The following UNC13B variants were observed in gnomAD, a reference collection of about 807,000 sequenced individuals.
The protein encoded by UNC13B is protein unc-13 homolog B.
Under a neutral mutation model 211.0 loss-of-function variants are expected in UNC13B, and 144 were observed. The observed-to-expected ratio is 0.68, with a 90% CI of 0.60 to 0.78. The LOEUF is 0.78. Among genes scored for constraint, UNC13B ranks in the 30% least tolerant of loss-of-function variants. The pLI, the probability that UNC13B is intolerant of heterozygous loss-of-function variation, is 0.00. For synonymous variants in UNC13B, 709 were observed against 725.8 expected, an observed-to-expected ratio of 0.98 and a Z score of 0.37; for missense variants, 1,777 against 2,002.0, an observed-to-expected ratio of 0.89 and a Z score of 2.14.
chr9:35,247,768 A>G (rs1232199937), intron 6 of UNC13B, among the ~76,000 whole-genome samples: 2 of 152,106 alleles, frequency 1.3e-5, no homozygotes, highest in Non-Finnish European at 2.9e-5. Flanking sequence ...GTATTTTATT[A>G]AGGATTTTTG....
chr9:35,385,962 C>A, intron 23 of UNC13B, 149 bp downstream of exon 23: 1 of 1,380,448 alleles, frequency 7.2e-7, no homozygotes, highest in Non-Finnish European at 9.8e-7. Context: ...TGGGTTACTT[C>A]TGAGAGAGCA....
intron 10 of UNC13B, 126 bp from the exon 11 acceptor site, chr9:35,313,773 A>G (rs769688030): frequency 4.0e-5 from 28 of 694,304 alleles, no homozygotes; most frequent in Non-Finnish European, 6.7e-5. Context: ...AGTAGCCTGA[A>G]TCACTAAATA....
chr9:35,183,283 T>TGCCCCTCACCTCCCAGGCGGGGC lies in UNC13B; in HGVS notation c.22+20979_22+20980insCCCCTCACCTCCCAGGCGGGGCG, dbSNP rs1822078662. Reference sequence around the variant, plus strand: ...GGAGCCCCTCACCTCCCAGGCGGGGTGGCCGGGCAGAGGCGCCCCTCACCT... The same window carrying TGCCCCTCACCTCCCAGGCGGGGC: ...GGAGCCCCTCACCTCCCAGGCGGGGTGCCCCTCACCTCCCAGGCGGGGCGGCCGGGCAGAGGCGCCCCTCACCT... On this transcript the variant is annotated intron_variant, in intron 1 of 39. Coordinates refer to ENST00000635942, the MANE Select transcript of UNC13B (RefSeq NM_001371189.2). Among the ~76,000 whole-genome samples, 29 of 80,772 alleles carry TGCCCCTCACCTCCCAGGCGGGGC rather than the reference T, an allele frequency of 3.6e-4. 1 individual carries two copies. The highest frequency in any genetic ancestry group is 7.0e-4 in the Admixed American group (6 of 8,590). 53.0% of individuals were successfully genotyped at this position (80,772 alleles called of 152,430 possible). A position where few individuals can be genotyped will look rare whatever the true frequency, so the allele number is the denominator to read the frequency against.
rs1829701175 is a variant in UNC13B, at chr9:35,301,842, C to A, written c.2438C>A (p.Ser813Ter). The change falls in exon 9 of 40, where the codon TCA becomes TAA. Residue 813 changes from serine (S) to a stop codon, truncating the protein, a stop_gained. Coordinates refer to ENST00000635942, the MANE Select transcript of UNC13B (RefSeq NM_001371189.2). LOFTEE classifies it high-confidence loss of function. ...NDDFLEPLRKSFSQFLLTSPE... is the reference protein window; with the variant it reads ...NDDFLEPLRK ...GATTTCCTTGAGCCACTCAGAAAATCATTTAGCCAGTTTTTGCTCACTTCC... is the reference window on the plus strand; with the variant it reads ...GATTTCCTTGAGCCACTCAGAAAATAATTTAGCCAGTTTTTGCTCACTTCC... The A allele has an allele frequency of 2.5e-6, 1 of 398,804 alleles. No individual in the cohort carries two copies. The highest frequency in any genetic ancestry group is 3.6e-5 in the East Asian group (1 of 28,060). The allele number at this position is 398,804 out of a possible 1,614,324, so 24.7% of individuals were successfully genotyped here. A position where few individuals can be genotyped will look rare whatever the true frequency, so the allele number is the denominator to read the frequency against.
chr9:35,173,267 A>G (rs571995081), intron 1 of UNC13B, among the ~76,000 whole-genome samples: 5 of 152,150 alleles, frequency 3.3e-5, no homozygotes, highest in Admixed American at 2.6e-4. Context: ...CTGCAAAAGG[A>G]TAGAGGAAAT....
intron 1 of UNC13B, among the ~76,000 whole-genome samples, chr9:35,170,268 C>T (rs1463555583): frequency 1.3e-5 from 2 of 151,512 alleles, no homozygotes; most frequent in African/African-American, 2.4e-5. Flanking sequence ...CAGGTTCAAG[C>T]GATTCTCCTG....
At chr9:35,374,526 G>A in intron 13 of UNC13B, among the ~76,000 whole-genome samples, 1 of 151,736 alleles carries the variant, frequency 6.6e-6, no homozygotes, top group African/African-American at 2.4e-5. Context: ...ATGCAAGAGT[G>A]TGGCTAGCAA....
chr9:35,198,108 T>C (rs1337858985), intron 1 of UNC13B, among the ~76,000 whole-genome samples: 2 of 152,212 alleles, frequency 1.3e-5, no homozygotes, highest in Admixed American at 6.5e-5. Flanking sequence ...TCATAACATG[T>C]GTTCAAGCAT....
chr9:35,382,527 A>G lies in UNC13B; in HGVS notation c.10806+20A>G, dbSNP rs1564185142. 5.1e-6 allele frequency: 8 copies of G among 1,583,008 alleles called. No homozygotes were observed. The highest frequency in any genetic ancestry group is 1.7e-4 in the Middle Eastern group (1 of 5,916). ...TTTGGGGTAAGTATCATGTAAACAC[A>G]TATGTCTGCATTTGTTACCAATTAA... On this transcript the variant is annotated intron_variant, in intron 21 of 39. Coordinates refer to ENST00000635942, the MANE Select transcript of UNC13B (RefSeq NM_001371189.2).
At chr9:35,361,466 C>G (rs960137768) in intron 11 of UNC13B, 1 of 152,142 alleles carries the variant, frequency 6.6e-6, no homozygotes, top group African/African-American at 2.4e-5. Context: ...GAGACTTATA[C>G]CTTCTCTGGT....
At chr9:35,269,513 A>G (rs1444305375) in intron 7 of UNC13B, among the ~76,000 whole-genome samples, 1 of 152,178 alleles carries the variant, frequency 6.6e-6, no homozygotes, top group Non-Finnish European at 1.5e-5. Flanking sequence ...ATCATTGATC[A>G]TTGATGATTA....
intron 10 of UNC13B, 27 bp downstream of exon 10, chr9:35,310,808 C>T: frequency 6.3e-7 from 1 of 1,598,406 alleles, no homozygotes; most frequent in African/African-American, 1.3e-5. Flanking sequence ...TTGAGGAGCT[C>T]ACATGGCTTC....
In UNC13B at chr9:35,399,379, CCT is replaced by C. The variant is rs1247118652; in HGVS notation, c.12199-8_12199-7del. On this transcript the variant is annotated splice_polypyrimidine_tract_variant and intron_variant, in intron 34 of 39. Transcript: ENST00000635942. ...GGGGTCCTCTGCTTTTGACTGATTC[CCT>C]CTCTGCCCAGGGCACCCAGCTGATC... 1 of 1,614,080 alleles carries C rather than the reference CCT, an allele frequency of 6.2e-7. No homozygotes were observed. The highest frequency in any genetic ancestry group is 1.7e-5 in the Admixed American group (1 of 60,010).
rs543894879 is a variant in UNC13B, at chr9:35,164,260, A to G, written c.22+1955A>G. ...TTGAACTTCTGACCTCAAGTGATCC[A>G]TCTGCCTTGGCCTTCCAAAGTGCTG... On this transcript the variant is annotated intron_variant, in intron 1 of 39. Coordinates refer to ENST00000635942, the MANE Select transcript of UNC13B (RefSeq NM_001371189.2). Among the ~76,000 whole-genome samples the G allele has an allele frequency of 1.2e-4, 18 of 152,334 alleles. No individual in the cohort carries two copies. The South Asian group carries it at 3.7e-3, about 32-fold the overall frequency.
chr9:35,212,912 C>T (rs969630900), intron 1 of UNC13B, among the ~76,000 whole-genome samples: 11 of 152,202 alleles, frequency 7.2e-5, no homozygotes, highest in African/African-American at 2.4e-4. Flanking sequence ...TATGCCATTA[C>T]ATACACCTAG....
At chr9:35,396,715 C>T (rs2132348556) in intron 27 of UNC13B, 113 bp downstream of exon 27, 9 of 1,595,602 alleles carry the variant, frequency 5.6e-6, no homozygotes, top group Non-Finnish European at 7.7e-6. Flanking sequence ...TCAGGTACCA[C>T]CGTAGACAAA....
At chr9:35,275,869 A>C (rs939702832) in intron 7 of UNC13B, among the ~76,000 whole-genome samples, 7 of 152,154 alleles carry the variant, frequency 4.6e-5, no homozygotes, top group African/African-American at 1.7e-4. Context: ...CTGGGATTAC[A>C]GTGAGCCACT....
chr9:35,232,284 G>T (rs574711804), intron 3 of UNC13B, among the ~76,000 whole-genome samples: 1 of 146,406 alleles, frequency 6.8e-6, no homozygotes, highest in South Asian at 2.2e-4. Flanking sequence ...GGGCTTGAGC[G>T]ATCTTCTTGC....
At chr9:35,313,309 T>C (rs966569428) in intron 10 of UNC13B, among the ~76,000 whole-genome samples, 2 of 152,040 alleles carry the variant, frequency 1.3e-5, no homozygotes, top group East Asian at 1.9e-4. Context: ...ATGCTGCTCA[T>C]TGGGTAAATG....
Sources: allele counts gnomAD v4.1 joint callset (sites outside exome capture counted in the v4.1 genomes callset), GRCh38; gene constraint gnomAD v4.1.1; transcripts MANE v1.5; gene names NCBI Gene and HGNC (gene_info 2026-07-23, HGNC 2026-07-21).